The following CCM2 variants were observed in gnomAD, a reference collection of about 807,000 sequenced individuals.
CCM2 encodes cerebral cavernous malformations 2 protein.
CCM2 carries 25 observed loss-of-function variants against 44.9 expected under a neutral mutation model. The ratio of observed to expected loss-of-function variants is 0.56; its 90% confidence interval spans 0.41 to 0.78. CCM2 has a LOEUF of 0.78. Ranked by LOEUF, CCM2 falls within the 30% of genes least tolerant of loss-of-function variation. CCM2 has a pLI of 0.00. For synonymous variants in CCM2, 219 were observed against 241.1 expected, an observed-to-expected ratio of 0.91 and a Z score of 0.85; for missense variants, 481 against 580.6, an observed-to-expected ratio of 0.83 and a Z score of 1.76.
At chr7:45,047,364 A>G (rs1391400338) in intron 2 of CCM2, among the ~76,000 whole-genome samples, 1 of 152,198 alleles carries the variant, frequency 6.6e-6, no homozygotes, top group Non-Finnish European at 1.5e-5. Context: ...CATCCATGCC[A>G]CAGAAGACTA....
intron 1 of CCM2, among the ~76,000 whole-genome samples, chr7:45,031,404 G>A (rs1233235787): frequency 6.7e-6 from 1 of 150,142 alleles, no homozygotes; most frequent in Non-Finnish European, 1.5e-5. Context: ...AAAAAAAAGA[G>A]GGCCTTGCTT....
chr7:45,027,309 C>G (rs1225159669), intron 1 of CCM2: 1 of 343,206 alleles, frequency 2.9e-6, no homozygotes, highest in Admixed American at 4.1e-5. Flanking sequence ...CCTGTTGTCT[C>G]CAGGAAATGG....
chr7:45,027,780 T>G (rs550045282), intron 1 of CCM2: 1 of 1,614,150 alleles, frequency 6.2e-7, no homozygotes, highest in African/African-American at 1.3e-5. Context: ...TCACACAGGG[T>G]ATTCCATGGA....
chr7:45,068,410 C>T, intron 4 of CCM2, 33 bp from the exon 5 acceptor site: 1 of 1,613,926 alleles, frequency 6.2e-7, no homozygotes, highest in Non-Finnish European at 8.5e-7. Flanking sequence ...TGCCCTTCCA[C>T]TGTGCTAAAC....
At chr7:45,040,826 A>AAAATGCCAG (rs1797456787) in intron 2 of CCM2, among the ~76,000 whole-genome samples, 1 of 152,216 alleles carries the variant, frequency 6.6e-6, no homozygotes, top group South Asian at 2.1e-4. Context: ...GTCTCTATTA[A>AAAATGCCAG]AAATGCCAGA....
At chr7:45,022,474 T>C (rs974925971) in intron 1 of CCM2, among the ~76,000 whole-genome samples, 13 of 149,470 alleles carry the variant, frequency 8.7e-5, no homozygotes, top group Non-Finnish European at 1.3e-4. Context: ...GCCCGGCTAA[T>C]TTTTTGTATT....
chr7:45,033,334 A>G (rs1398101998), intron 1 of CCM2, among the ~76,000 whole-genome samples: 1 of 152,200 alleles, frequency 6.6e-6, no homozygotes, highest in East Asian at 1.9e-4. Context: ...ACATTAAAAT[A>G]ACAGTGTAGG....
intron 1 of CCM2, chr7:45,027,372 G>A (rs572149824): frequency 2.0e-4 from 81 of 409,822 alleles, no homozygotes; most frequent in African/African-American, 1.5e-3. Flanking sequence ...ATTTGAATGT[G>A]CAGAATGGTG....
intron 1 of CCM2, among the ~76,000 whole-genome samples, chr7:45,019,871 A>G (rs981420526): frequency 1.3e-5 from 2 of 152,158 alleles, no homozygotes; most frequent in Admixed American, 1.3e-4. Context: ...TCCCGCACCC[A>G]GCCATCAGCT....
At chr7:45,070,424 G>T in intron 6 of CCM2, 1 of 456,402 alleles carries the variant, frequency 2.2e-6, no homozygotes, top group Non-Finnish European at 4.4e-6. Flanking sequence ...TGCTCAGGCT[G>T]CCCTGGGAGG....
At chr7:45,032,221 G>A (rs1226344399) in intron 1 of CCM2, among the ~76,000 whole-genome samples, 1 of 152,146 alleles carries the variant, frequency 6.6e-6, no homozygotes, top group Non-Finnish European at 1.5e-5. Flanking sequence ...AAGAAACTTA[G>A]GGTAGCTGCT....
chr7:45,029,069 G>A (rs1212009060), intron 1 of CCM2, among the ~76,000 whole-genome samples: 1 of 152,092 alleles, frequency 6.6e-6, no homozygotes, highest in East Asian at 1.9e-4. Context: ...ACTGAGTTTG[G>A]TGCCTCTTCC....
At chr7:45,072,952 C>G (rs1799152504) in intron 7 of CCM2, 169 bp downstream of exon 7, 3 of 694,710 alleles carry the variant, frequency 4.3e-6, no homozygotes, top group African/African-American at 3.5e-5. Flanking sequence ...GCTCGCCGCC[C>G]TCTCCTCGTA....
intron 2 of CCM2, among the ~76,000 whole-genome samples, chr7:45,051,082 T>C (rs574045538): frequency 7.1e-4 from 108 of 152,178 alleles, no homozygotes; most frequent in Non-Finnish European, 1.4e-3. Flanking sequence ...CACCACTGCC[T>C]GTACTACACT....
rs545408374 is a variant in CCM2, at chr7:45,057,679, A to G, written c.205-6239A>G. On this transcript the variant is annotated intron_variant, in intron 2 of 9. Coordinates refer to ENST00000258781, the MANE Select transcript of CCM2 (RefSeq NM_031443.4). The stretch of plus-strand genomic sequence containing the variant: ...GGCAGGTCTGTGGAAACATTCCAAA[A>G]TGTTCACTGATGACAGGCTAAGGAT... Among the ~76,000 whole-genome samples, 4 of 152,336 alleles carry G rather than the reference A, an allele frequency of 2.6e-5. No homozygotes were observed. In the East Asian group the frequency reaches 7.7e-4, roughly 29 times the overall value.
At chr7:45,016,133 C>T (rs1486779225) in intron 1 of CCM2, among the ~76,000 whole-genome samples, 15 of 152,170 alleles carry the variant, frequency 9.9e-5, no homozygotes, top group Admixed American at 9.8e-4. Flanking sequence ...CTGGCCATCC[C>T]ACAGGCTGGG....
At chr7:45,030,428 C>G (rs1213188941) in intron 1 of CCM2, among the ~76,000 whole-genome samples, 1 of 152,170 alleles carries the variant, frequency 6.6e-6, no homozygotes, top group Non-Finnish European at 1.5e-5. Flanking sequence ...ATATGCTAAA[C>G]CATTTAATTA....
At chr7:45,006,909 T>TA (rs1260795623) in intron 1 of CCM2, among the ~76,000 whole-genome samples, 1 of 152,236 alleles carries the variant, frequency 6.6e-6, no homozygotes, top group Non-Finnish European at 1.5e-5. Context: ...AAGTCTATAA[T>TA]ACTTAGTCCT....
At chr7:45,022,844 G>A (rs1195202413) in intron 1 of CCM2, among the ~76,000 whole-genome samples, 1 of 151,410 alleles carries the variant, frequency 6.6e-6, no homozygotes, top group Non-Finnish European at 1.5e-5. Context: ...GACCTCAAGC[G>A]ATTCTCCTAC....
Sources: gnomAD v4.1 joint callset for allele counts (sites outside exome capture counted in the v4.1 genomes callset) on GRCh38, gnomAD v4.1.1 for gene constraint, MANE v1.5 for transcripts, NCBI Gene and HGNC (gene_info 2026-07-23, HGNC 2026-07-21) for gene names.